SOX6: variants seen among roughly 807,000 people sequenced by gnomAD.
SOX6 encodes SRY-box transcription factor 6.
Under a neutral mutation model 97.8 loss-of-function variants are expected in SOX6, and 11 were observed. The ratio of observed to expected loss-of-function variants is 0.11; its 90% confidence interval spans 0.07 to 0.19. SOX6 has a LOEUF of 0.19. Among genes scored for constraint, SOX6 ranks in the 10% least tolerant of loss-of-function variants. The pLI is 1.00. For missense variants in SOX6, 810 were observed against 1,039.5 expected (o/e 0.78, Z 3.04); for synonymous variants, 360 against 371.4 (o/e 0.97, Z 0.35).
At chr11:16,390,920 T>C (rs1223127483) in intron 1 of SOX6, among the ~76,000 whole-genome samples, 1 of 152,114 alleles carries the variant, frequency 6.6e-6, no homozygotes, top group Non-Finnish European at 1.5e-5. Flanking sequence ...CTATTCACAA[T>C]AGCAAAGACT....
intron 13 of SOX6, among the ~76,000 whole-genome samples, chr11:16,009,009 G>A (rs765913474): frequency 1.3e-5 from 2 of 151,970 alleles, no homozygotes; most frequent in Non-Finnish European, 2.9e-5. Context: ...TCTCTGAAAT[G>A]CCTGGACGCC....
chr11:16,538,542 A>G (rs1332619807), intron 4 of SOX6, among the ~76,000 whole-genome samples: 2 of 152,228 alleles, frequency 1.3e-5, no homozygotes, highest in Non-Finnish European at 2.9e-5. Flanking sequence ...CTGGATAAAG[A>G]GTCAAGACCC....
intron 4 of SOX6, chr11:16,484,699 C>T: frequency 1.7e-6 from 1 of 588,754 alleles, no homozygotes; most frequent in South Asian, 1.9e-5. Context: ...GACTCCCACC[C>T]AGAACCGTGC....
At chr11:15,982,995 A>C (rs1853714486) in intron 15 of SOX6, among the ~76,000 whole-genome samples, 1 of 151,850 alleles carries the variant, frequency 6.6e-6, no homozygotes, top group Non-Finnish European at 1.5e-5. Context: ...TGGACACCAC[A>C]CTCAGAATTG....
intron 1 of SOX6, among the ~76,000 whole-genome samples, chr11:16,437,744 T>TGTGG (rs1163177589): frequency 0.091 from 13,906 of 152,224 alleles, 685 homozygotes; most frequent in Non-Finnish European, 0.11. Context: ...GTAAACTACA[T>TGTGG]AATATGGGGA....
At chr11:16,526,108 A>G (rs10832636) in intron 4 of SOX6, among the ~76,000 whole-genome samples, 26,051 of 152,102 alleles carry the variant, frequency 0.17, 2,763 homozygotes, top group East Asian at 0.32. Context: ...TGGAAATACC[A>G]TTTGACCCAG....
At chr11:16,340,989 G>A in intron 2 of SOX6, 23 bp downstream of exon 2, 4 of 1,612,934 alleles carry the variant, frequency 2.5e-6, no homozygotes, top group Non-Finnish European at 3.4e-6. Flanking sequence ...TTTAGTGGCA[G>A]TGGTCAGATT....
At chr11:16,538,385 A>G (rs1338307034) in intron 4 of SOX6, among the ~76,000 whole-genome samples, 1 of 152,246 alleles carries the variant, frequency 6.6e-6, no homozygotes, top group Non-Finnish European at 1.5e-5. Flanking sequence ...CAAGTTGTAA[A>G]GACCATCGAT....
intron 3 of SOX6, among the ~76,000 whole-genome samples, chr11:16,257,705 C>A (rs536359910): frequency 6.6e-6 from 1 of 151,780 alleles, no homozygotes; most frequent in Non-Finnish European, 1.5e-5. Context: ...AATTGATAGA[C>A]AAGGCTTTAT....
chr11:16,159,287 T>C (rs1459995405), intron 6 of SOX6, among the ~76,000 whole-genome samples: 1 of 152,122 alleles, frequency 6.6e-6, no homozygotes, highest in South Asian at 2.1e-4. Flanking sequence ...ATGAGAACGC[T>C]AAAGATCAGT....
intron 3 of SOX6, among the ~76,000 whole-genome samples, chr11:16,702,816 A>G (rs116421934): frequency 0.011 from 1,742 of 152,088 alleles, 26 homozygotes; most frequent in African/African-American, 0.04. Flanking sequence ...TATTTTATGA[A>G]CAAGGAAAGA....
intron 3 of SOX6, among the ~76,000 whole-genome samples, chr11:16,309,229 T>C (rs1414512738): frequency 6.6e-6 from 1 of 152,248 alleles, no homozygotes; most frequent in Non-Finnish European, 1.5e-5. Context: ...AATCTTCATA[T>C]GTTATTGTTT....
chr11:16,249,890 C>T (rs1459871580), intron 3 of SOX6, among the ~76,000 whole-genome samples: 2 of 152,170 alleles, frequency 1.3e-5, no homozygotes, highest in Non-Finnish European at 2.9e-5. Flanking sequence ...CCAGTTACTT[C>T]TTTATGGCCA....
intron 6 of SOX6, among the ~76,000 whole-genome samples, chr11:16,133,639 C>A (rs1405905015): frequency 6.6e-6 from 1 of 152,064 alleles, no homozygotes; most frequent in Non-Finnish European, 1.5e-5. Flanking sequence ...TATGACATTA[C>A]AACATTATCA....
intron 3 of SOX6, among the ~76,000 whole-genome samples, chr11:16,694,920 T>A (rs1848042219): frequency 6.6e-6 from 1 of 152,230 alleles, no homozygotes; most frequent in Non-Finnish European, 1.5e-5. Flanking sequence ...AACAACTATA[T>A]ACATAGCATT....
At chr11:16,484,802 C>T in intron 4 of SOX6, 1 of 316,888 alleles carries the variant, frequency 3.2e-6, no homozygotes, top group South Asian at 4.7e-5. Flanking sequence ...GACTCTTTAC[C>T]AAGAATGTTG....
chr11:16,569,052 G>A (rs192141806), intron 4 of SOX6, among the ~76,000 whole-genome samples: 5 of 152,308 alleles, frequency 3.3e-5, no homozygotes, highest in African/African-American at 1.2e-4. Context: ...AAGCATCATA[G>A]AGGTTGAAGA....
Position 16,039,096 on chromosome 11 carries a change from G to A in SOX6, c.1623+7418C>T, listed in dbSNP as rs559967409. On this transcript the variant is annotated intron_variant, in intron 12 of 15. Coordinates refer to ENST00000683767, the MANE Select transcript of SOX6 (RefSeq NM_001367873.1). ...CTTTAGCAATTAGGTAAATATGTAT[G>A]ACAAGAATTTTTGTGCACTTCACTT... is the stretch of plus-strand genomic sequence containing the variant. 2.0e-5 allele frequency among the ~76,000 whole-genome samples: 3 copies of A among 152,154 alleles called. No homozygotes were observed. In the East Asian group the frequency reaches 5.8e-4, roughly 29 times the overall value.
rs1170077002 is a variant in SOX6 at position 16,726,126 on chromosome 11, T to C, written n.353+10213A>G. 5.9e-5 allele frequency among the ~76,000 whole-genome samples: 9 copies of C among 152,332 alleles called. No homozygotes were observed. The East Asian group carries it at 7.7e-4, about 13-fold the overall frequency. ...GAAAATGTTATAAAATCAACAGTGA[T>C]GGCTGGGCATGGTGGTTCACGCCTA... On this transcript the variant is annotated intron_variant and non_coding_transcript_variant, in intron 2 of 5. Transcript: ENST00000524520.
Sources: allele counts gnomAD v4.1 joint callset (sites outside exome capture counted in the v4.1 genomes callset), GRCh38; gene constraint gnomAD v4.1.1; transcripts MANE v1.5; gene names NCBI Gene and HGNC (gene_info 2026-07-23, HGNC 2026-07-21).